RYR2: variants seen among roughly 807,000 people sequenced by gnomAD.
RYR2 encodes ryanodine receptor 2, also known as cardiac muscle ryanodine receptor-calcium release channel.
A neutral mutation model predicts 601.1 loss-of-function variants in RYR2; 227 were observed. The observed-to-expected ratio is 0.38, with a 90% CI of 0.34 to 0.42. RYR2 has a LOEUF of 0.42. Ranked by LOEUF, RYR2 falls within the 10% of genes least tolerant of loss-of-function variation. The pLI is 1.00. For missense variants in RYR2, 4,646 were observed against 6,156.5 expected, an observed-to-expected ratio of 0.75 and a Z score of 8.21; for synonymous variants, 2,223 against 2,175.1, an observed-to-expected ratio of 1.02 and a Z score of -0.61.
chr1:237,608,796 GTT>G (rs33945891), intron 35 of RYR2, among the ~76,000 whole-genome samples: 36,520 of 118,932 alleles, frequency 0.31, 6,283 homozygotes, highest in Admixed American at 0.46. Context: ...AGACTGACCT[GTT>G]TTTTTTTTTT....
intron 46 of RYR2, among the ~76,000 whole-genome samples, chr1:237,639,888 GAGTT>G (rs1024117794): frequency 1.3e-5 from 2 of 152,100 alleles, no homozygotes; most frequent in African/African-American, 2.4e-5. Context: ...AGAAAAAAAA[GAGTT>G]AGAGGGCACG....
In RYR2 at chr1:237,756,282, G is replaced by T; in HGVS notation, c.11146-6G>T. ...CTCAACATAAATGGTTGGGATTTGTGTTCAGGAAAAAGAAATGGAAAAGCA... is the reference window on the plus strand; with the variant it reads ...CTCAACATAAATGGTTGGGATTTGTTTTCAGGAAAAAGAAATGGAAAAGCA... On this transcript the variant is annotated splice_polypyrimidine_tract_variant and splice_region_variant and intron_variant, in intron 80 of 104. Transcript: ENST00000366574. The T allele has an allele frequency of 6.2e-7, 1 of 1,602,186 alleles. No individual in the cohort carries two copies. Among genetic ancestry groups the T allele is most frequent in the Non-Finnish European group, 8.6e-7 (1 of 1,169,386 alleles).
chr1:237,397,212 T>G (rs942881940), intron 10 of RYR2, among the ~76,000 whole-genome samples: 4 of 151,224 alleles, frequency 2.6e-5, no homozygotes, highest in African/African-American at 9.7e-5. Flanking sequence ...CACTCTGGCC[T>G]GCCTGACAGA....
chr1:237,176,407 A>G (rs1678067544), intron 1 of RYR2, among the ~76,000 whole-genome samples: 1 of 151,240 alleles, frequency 6.6e-6, no homozygotes, highest in African/African-American at 2.4e-5. Context: ...GCACTTCCTA[A>G]TTTACTTTAA....
At chr1:237,281,931 T>G (rs2149385039) in intron 2 of RYR2, among the ~76,000 whole-genome samples, 2 of 152,264 alleles carry the variant, frequency 1.3e-5, no homozygotes, top group Middle Eastern at 6.8e-3. Flanking sequence ...AAACTACACT[T>G]GGAGTATATA....
At chr1:237,535,476 AACACACATACAC>A (rs1222661863) in intron 25 of RYR2, among the ~76,000 whole-genome samples, 3 of 104,666 alleles carry the variant, frequency 2.9e-5, no homozygotes, top group African/African-American at 1.0e-4. Context: ...AATTGAATCA[AACACACATACAC>A]ACACACACAC....
At chr1:237,594,736 C>T (rs1434638277) in intron 33 of RYR2, among the ~76,000 whole-genome samples, 2 of 151,618 alleles carry the variant, frequency 1.3e-5, no homozygotes, top group South Asian at 2.1e-4. Context: ...TGGCTTTAGC[C>T]TTTTTTGCTG....
intron 1 of RYR2, among the ~76,000 whole-genome samples, chr1:237,050,204 A>C (rs184904801): frequency 2.0e-5 from 3 of 152,294 alleles, no homozygotes; most frequent in Admixed American, 1.3e-4. Flanking sequence ...GGTACTTACC[A>C]CCCACCAACC....
At chr1:237,812,322 T>C (rs1661340059) in intron 100 of RYR2, among the ~76,000 whole-genome samples, 2 of 152,190 alleles carry the variant, frequency 1.3e-5, no homozygotes, top group Admixed American at 1.3e-4. Context: ...CTTGAGTAAG[T>C]ACAGTCCCTG....
rs1658864720 is a variant in RYR2, at chr1:237,456,689, A to G, written c.1566A>G (p.Ala522=). Residue 522 remains alanine (A), a synonymous_variant, in exon 16 of 105, where the codon GCA becomes GCG. Coordinates refer to ENST00000366574, the MANE Select transcript of RYR2 (RefSeq NM_001035.3). The part of the protein sequence containing the change: ...AHFADVAGRE[A]GESWKSILNS... Reference sequence around the variant, plus strand: ...TTGCTGATGTTGCTGGGCGAGAAGCAGGAGAGTCTTGGAAATCCATTCTGA... The same window carrying G: ...TTGCTGATGTTGCTGGGCGAGAAGCGGGAGAGTCTTGGAAATCCATTCTGA... 6.2e-7 allele frequency: 1 copy of G among 1,613,586 alleles called. No homozygotes were observed. The highest frequency in any genetic ancestry group is 2.2e-5 in the East Asian group (1 of 44,878).
intron 2 of RYR2, among the ~76,000 whole-genome samples, chr1:237,324,180 C>T (rs573600431): frequency 9.9e-5 from 15 of 152,180 alleles, no homozygotes; most frequent in Admixed American, 2.6e-4. Context: ...GTATTTCCTA[C>T]GAGTCAATGG....
intron 1 of RYR2, among the ~76,000 whole-genome samples, chr1:237,164,998 C>T (rs546470503): frequency 6.1e-5 from 9 of 148,588 alleles, no homozygotes; most frequent in East Asian, 2.0e-4. Flanking sequence ...TTAAGAGACA[C>T]GGTCTCACTC....
At chr1:237,208,926 A>ATG (rs143152668) in intron 1 of RYR2, among the ~76,000 whole-genome samples, 4,598 of 84,758 alleles carry the variant, frequency 0.054, 235 homozygotes, top group East Asian at 0.077. Context: ...GTACAACCAA[A>ATG]TGTGTGTGTG....
intron 73 of RYR2, among the ~76,000 whole-genome samples, chr1:237,720,757 C>A (rs765889560): frequency 6.6e-6 from 1 of 152,126 alleles, no homozygotes; most frequent in Non-Finnish European, 1.5e-5. Context: ...AGAGAGTGCT[C>A]AGTACCTCTT....
intron 63 of RYR2, among the ~76,000 whole-genome samples, chr1:237,696,491 A>G (rs994224818): frequency 3.3e-5 from 5 of 150,706 alleles, no homozygotes; most frequent in Non-Finnish European, 7.4e-5. Context: ...GTATGTTTAC[A>G]ATGCCCAAGT....
intron 98 of RYR2, chr1:237,802,308 TA>T (rs1465560029): frequency 5.2e-5 from 8 of 154,298 alleles, no homozygotes; most frequent in African/African-American, 1.7e-4. Flanking sequence ...AGTTTTATTT[TA>T]TTTTTTTTAT....
chr1:237,550,519 G>T lies in RYR2; in HGVS notation c.3067-25G>T, dbSNP rs375209007. The T allele has an allele frequency of 1.9e-6, 3 of 1,603,854 alleles. No homozygotes were observed. The Admixed American group carries it at 5.1e-5, about 27-fold the overall frequency. On this transcript the variant is annotated intron_variant, in intron 26 of 104. Coordinates refer to ENST00000366574, the MANE Select transcript of RYR2 (RefSeq NM_001035.3). ...TAAAAGCCCTTGGTATTGCTTTGACGGCTGCACCCTGTGTTTTCCTGCAGG... is the reference window on the plus strand; with the variant it reads ...TAAAAGCCCTTGGTATTGCTTTGACTGCTGCACCCTGTGTTTTCCTGCAGG...
chr1:237,308,535 C>T (rs558803941), intron 2 of RYR2, among the ~76,000 whole-genome samples: 16 of 152,206 alleles, frequency 1.1e-4, no homozygotes, highest in Middle Eastern at 6.8e-3. Flanking sequence ...AATGAAGCCG[C>T]GGACCCTTGC....
intron 34 of RYR2, among the ~76,000 whole-genome samples, chr1:237,598,873 A>C (rs1195819642): frequency 1.3e-5 from 2 of 152,172 alleles, no homozygotes; most frequent in Non-Finnish European, 2.9e-5. Flanking sequence ...TTTTTTGAAA[A>C]GACAAAATCA....
Sources: allele counts gnomAD v4.1 joint callset (sites outside exome capture counted in the v4.1 genomes callset), GRCh38; gene constraint gnomAD v4.1.1; transcripts MANE v1.5; gene names NCBI Gene and HGNC (gene_info 2026-07-23, HGNC 2026-07-21).